ADAT2: variants seen among roughly 807,000 people sequenced by gnomAD.
ADAT2 encodes the protein tRNA-specific adenosine-34 deaminase catalytic subunit ADAT2.
In ADAT2, 26 loss-of-function variants were observed where a neutral mutation model predicts 25.9. That is an observed-to-expected ratio of 1.00 (90% CI 0.74 to 1.39). ADAT2 has a LOEUF of 1.39. ADAT2 is among the 40% of genes most tolerant of loss of function. The pLI, the probability that ADAT2 is intolerant of heterozygous loss-of-function variation, is 0.00. For synonymous variants in ADAT2, 76 were observed against 86.8 expected, an observed-to-expected ratio of 0.88 and a Z score of 0.69; for missense variants, 220 against 244.8, an observed-to-expected ratio of 0.90 and a Z score of 0.68.
In ADAT2 at chr6:143,444,385, G is replaced by A. The variant is rs1779541252; in HGVS notation, c.97-5691C>T. Among the ~76,000 whole-genome samples the A allele has an allele frequency of 6.7e-6, 1 of 150,330 alleles. No homozygotes were observed. The highest frequency in any genetic ancestry group is 2.5e-5 in the African/African-American group (1 of 40,792). ...GAGAATAACACAAAGCCCCATGGAA[G>A]TGAGTTGAGGGGAACTCCTTTACAA... On this transcript the variant is annotated intron_variant, in intron 1 of 5. Coordinates refer to ENST00000237283, the MANE Select transcript of ADAT2 (RefSeq NM_182503.3). This position sits in a 1 kb window ranked among gnomAD's most constrained non-coding sequence, Gnocchi z 4.3.
intron 1 of ADAT2, among the ~76,000 whole-genome samples, chr6:143,439,375 A>T (rs560939085): frequency 1.3e-5 from 2 of 151,120 alleles, no homozygotes; most frequent in Non-Finnish European, 3.0e-5. Flanking sequence ...AAGAAGAAAG[A>T]AAGTTTGAAA....
Position 143,425,082 on chromosome 6 carries a change from A to C in ADAT2, c.*3381T>G, listed in dbSNP as rs1778889161. The C allele has an allele frequency of 6.6e-6, 1 of 152,216 alleles. No homozygotes were observed. The highest frequency in any genetic ancestry group is 1.5e-5 in the Non-Finnish European group (1 of 68,042). 9.4% of individuals were successfully genotyped at this position (152,216 alleles called of 1,614,324 possible). A position where few individuals can be genotyped will look rare whatever the true frequency, so the allele number is the denominator to read the frequency against. ...CTGAATCTAATCACAAGAAAATATC[A>C]AATAAATTTAAAACAAGGACCATTC... is the stretch of plus-strand genomic sequence containing the variant. On this transcript the variant is annotated 3_prime_UTR_variant, in exon 6 of 6. Transcript: ENST00000237283.
rs1259884468 is a variant in ADAT2, at chr6:143,442,327, C to CAT, written c.97-3635_97-3634dup. Among the ~76,000 whole-genome samples the CAT allele has an allele frequency of 1.4e-5, 2 of 145,234 alleles. No individual in the cohort carries two copies. The highest frequency in any genetic ancestry group is 5.2e-5 in the African/African-American group (2 of 38,664). On this transcript the variant is annotated intron_variant, in intron 1 of 5. Transcript: ENST00000237283. The surrounding 1 kb of genome is among the most constrained non-coding windows in gnomAD (Gnocchi z 4.6). ...AGCCAAATGGTTACAGATTCATGTACATAGCATTTTTGAATTATAAAATTA... is the reference window on the plus strand; with the variant it reads ...AGCCAAATGGTTACAGATTCATGTACATATAGCATTTTTGAATTATAAAATTA...
At position 143,442,110 on chromosome 6, in the gene ADAT2, A is replaced by G. The variant is rs1779474486; in HGVS notation, c.97-3416T>C. The G allele has an allele frequency of 6.6e-6, 1 of 152,214 alleles. No individual in the cohort carries two copies. Among genetic ancestry groups the G allele is most frequent in the Admixed American group, 6.5e-5 (1 of 15,288 alleles). 9.4% of individuals were successfully genotyped at this position (152,214 alleles called of 1,614,324 possible). On this transcript the variant is annotated intron_variant, in intron 1 of 5. Transcript: ENST00000237283. The surrounding 1 kb of genome is among the most constrained non-coding windows in gnomAD (Gnocchi z 4.6). ...ACAATGTATGTCTGTGTGCACAAAT[A>G]TTCATAACAGCTTTATTTGTAATAG...
chr6:143,446,554 C>T lies in ADAT2; in HGVS notation c.96+4009G>A, dbSNP rs960007884. The stretch of plus-strand genomic sequence containing the variant: ...ACAAAATTGGGGAAAGTATATGCCT[C>T]GGCAATTCACAGAAGAAAAAAATCT... On this transcript the variant is annotated intron_variant, in intron 1 of 5. Transcript: ENST00000237283. This position sits in a 1 kb window ranked among gnomAD's most constrained non-coding sequence, Gnocchi z 5.0. Among the ~76,000 whole-genome samples, 2 of 151,786 alleles carry T rather than the reference C, an allele frequency of 1.3e-5. No homozygotes were observed. The highest frequency in any genetic ancestry group is 2.1e-4 in the South Asian group (1 of 4,800).
intron 1 of ADAT2, among the ~76,000 whole-genome samples, chr6:143,439,229 T>G (rs1233986623): frequency 6.6e-6 from 1 of 151,062 alleles, no homozygotes; most frequent in Non-Finnish European, 1.5e-5. Context: ...GTACTCTATG[T>G]AAAATGGCAC....
rs1230508491 is a variant in ADAT2 at position 143,426,032 on chromosome 6, T to C, written c.*2431A>G. On this transcript the variant is annotated 3_prime_UTR_variant, in exon 6 of 6. Transcript: ENST00000237283. This position sits in a 1 kb window ranked among gnomAD's most constrained non-coding sequence, Gnocchi z 4.1. ...GTTGCAAAGACCAGCAAACACTGGA[T>C]AACTCTAGCAGCTTCTAAATGTAAT... 6.6e-6 allele frequency: 1 copy of C among 152,538 alleles called. No individual in the cohort carries two copies. Among genetic ancestry groups the C allele is most frequent in the Non-Finnish European group, 1.5e-5 (1 of 68,034 alleles). The allele number at this position is 152,538 out of a possible 1,614,324, so 9.4% of individuals were successfully genotyped here.
At chr6:143,438,546 C>T in intron 2 of ADAT2, 44 bp downstream of exon 2, 3 of 1,461,000 alleles carry the variant, frequency 2.1e-6, no homozygotes, top group Non-Finnish European at 2.9e-6. Flanking sequence ...CCAGTCCACC[C>T]ATCACTACTG....
intron 1 of ADAT2, among the ~76,000 whole-genome samples, chr6:143,445,875 C>T (rs1043292548): frequency 2.0e-4 from 30 of 152,106 alleles, no homozygotes; most frequent in Non-Finnish European, 3.7e-4. Flanking sequence ...CCCTCAGAGC[C>T]TAGCATAATG....
In ADAT2 at chr6:143,440,641, G is replaced by C. The variant is rs892788209; in HGVS notation, c.97-1947C>G. ...TGTGACAGTGGTTAAAGCATGTCCA[G>C]TTTATGCAAGTTCAAAAGGCTTGAA... On this transcript the variant is annotated intron_variant, in intron 1 of 5. Transcript: ENST00000237283. This position sits in a 1 kb window ranked among gnomAD's most constrained non-coding sequence, Gnocchi z 4.5. Among the ~76,000 whole-genome samples the C allele has an allele frequency of 6.6e-6, 1 of 152,196 alleles. No individual in the cohort carries two copies. The highest frequency in any genetic ancestry group is 1.5e-5 in the Non-Finnish European group (1 of 68,036).
chr6:143,433,737 G>C, intron 3 of ADAT2, 94 bp downstream of exon 3: 1 of 1,292,926 alleles, frequency 7.7e-7, no homozygotes, highest in Non-Finnish European at 1.0e-6. Context: ...TCCTAAGTCT[G>C]TGTTTTCATA....
intron 1 of ADAT2, among the ~76,000 whole-genome samples, chr6:143,443,778 C>A (rs985017160): frequency 6.6e-6 from 1 of 151,592 alleles, no homozygotes; most frequent in Non-Finnish European, 1.5e-5. Context: ...TTGCAGTGAG[C>A]CCAGATTGTG....
intron 1 of ADAT2, among the ~76,000 whole-genome samples, chr6:143,448,989 T>G (rs1222871976): frequency 6.6e-6 from 1 of 152,248 alleles, no homozygotes; most frequent in Non-Finnish European, 1.5e-5. Flanking sequence ...CTACGGTTAT[T>G]AAACCTGTCC....
At position 143,444,226 on chromosome 6, in the gene ADAT2, G is replaced by A. The variant is rs760756737; in HGVS notation, c.97-5532C>T. Among the ~76,000 whole-genome samples the A allele has an allele frequency of 7.2e-5, 11 of 151,978 alleles. No individual in the cohort carries two copies. The highest frequency in any genetic ancestry group is 1.0e-4 in the Non-Finnish European group (7 of 68,028). The stretch of plus-strand genomic sequence containing the variant: ...CCTGAAATGCCTTCCACTGCTGTCC[G>A]AAACAGAGAGCAAATATGAGCGATC... On this transcript the variant is annotated intron_variant, in intron 1 of 5. Transcript: ENST00000237283. The surrounding 1 kb of genome is among the most constrained non-coding windows in gnomAD (Gnocchi z 4.3).
intron 1 of ADAT2, among the ~76,000 whole-genome samples, chr6:143,448,420 T>A (rs1779658496): frequency 6.6e-6 from 1 of 152,068 alleles, no homozygotes; most frequent in African/African-American, 2.4e-5. Context: ...AAAAGTAAAT[T>A]AAACTTAAAA....
intron 1 of ADAT2, among the ~76,000 whole-genome samples, chr6:143,447,599 C>T (rs1779632823): frequency 6.6e-6 from 1 of 151,956 alleles, no homozygotes; most frequent in Admixed American, 6.6e-5. Context: ...ATTTGTTAAC[C>T]CTTTTTTATA....
rs925719725 is a variant in ADAT2, at chr6:143,426,437, A to G, written c.*2026T>C. 1.4e-4 allele frequency: 22 copies of G among 152,216 alleles called. No homozygotes were observed. Among genetic ancestry groups the G allele is most frequent in the African/African-American group, 5.3e-4 (22 of 41,458 alleles). 9.4% of individuals were successfully genotyped at this position (152,216 alleles called of 1,614,324 possible). On this transcript the variant is annotated 3_prime_UTR_variant, in exon 6 of 6. Transcript: ENST00000237283. The surrounding 1 kb of genome is among the most constrained non-coding windows in gnomAD (Gnocchi z 4.1). ...AAAGCGATGGAGGGAACTGTGCCCCAGTCCAAACATTTAGGACAGATTTTC... is the reference window on the plus strand; with the variant it reads ...AAAGCGATGGAGGGAACTGTGCCCCGGTCCAAACATTTAGGACAGATTTTC...
In ADAT2 at chr6:143,426,965, A is replaced by G. The variant is rs1562633976; in HGVS notation, c.*1498T>C. On this transcript the variant is annotated 3_prime_UTR_variant, in exon 6 of 6. Transcript: ENST00000237283. The surrounding 1 kb of genome is among the most constrained non-coding windows in gnomAD (Gnocchi z 4.1). The stretch of plus-strand genomic sequence containing the variant: ...TGAATTACGACCAACTGCAAAAAGG[A>G]ACAAACTAGTAGAAGCACTAAAATT... 1 of 152,228 alleles carries G rather than the reference A, an allele frequency of 6.6e-6. No homozygotes were observed. Among genetic ancestry groups the G allele is most frequent in the African/African-American group, 2.4e-5 (1 of 41,460 alleles). The allele number at this position is 152,228 out of a possible 1,614,324, so 9.4% of individuals were successfully genotyped here.
chr6:143,431,109 G>A (rs1329257755), intron 4 of ADAT2, among the ~76,000 whole-genome samples: 1 of 152,138 alleles, frequency 6.6e-6, no homozygotes, highest in Non-Finnish European at 1.5e-5. Flanking sequence ...GTTCTCCTTA[G>A]AATCTAAAAG....
Sources: gnomAD v4.1 joint callset for allele counts (sites outside exome capture counted in the v4.1 genomes callset) on GRCh38, gnomAD v4.1.1 for gene constraint, Gnocchi (gnomAD v3.1) non-coding constraint, MANE v1.5 for transcripts, NCBI Gene and HGNC (gene_info 2026-07-23, HGNC 2026-07-21) for gene names.